The following GRID2 variants were observed in gnomAD, a reference collection of about 807,000 sequenced individuals.
The protein encoded by GRID2 is glutamate ionotropic receptor delta type subunit 2.
Under a neutral mutation model 114.8 loss-of-function variants are expected in GRID2, and 33 were observed. The ratio of observed to expected loss-of-function variants is 0.29; its 90% CI spans 0.22 to 0.38. GRID2 has a LOEUF of 0.38. Ranked by LOEUF, GRID2 falls within the 10% of genes least tolerant of loss-of-function variation. The pLI, the probability that GRID2 is intolerant of heterozygous loss-of-function variation, is 1.00. For synonymous variants in GRID2, 505 were observed against 449.9 expected (o/e 1.12, Z -1.55); for missense variants, 1,184 against 1,257.7 (o/e 0.94, Z 0.89).
chr4:92,510,930 C>A (rs747728403), intron 1 of GRID2, among the ~76,000 whole-genome samples: 1 of 149,356 alleles, frequency 6.7e-6, no homozygotes, highest in African/African-American at 2.5e-5. Context: ...AAACCAGGAG[C>A]GTGATGTCTT....
At chr4:93,777,886 C>T (rs1376015676), downstream of GRID2, among the ~76,000 whole-genome samples, 1 of 152,142 alleles carries the variant, frequency 6.6e-6, no homozygotes, top group Non-Finnish European at 1.5e-5. Context: ...TAAATTGCTG[C>T]TACTGAAAAA....
At chr4:93,666,260 T>C (rs1162231350) in intron 14 of GRID2, among the ~76,000 whole-genome samples, 1 of 152,106 alleles carries the variant, frequency 6.6e-6, no homozygotes, top group Admixed American at 6.6e-5. Context: ...TTGAGCACCT[T>C]ATATATTATA....
intron 8 of GRID2, among the ~76,000 whole-genome samples, chr4:93,382,050 C>T (rs1163626065): frequency 6.6e-6 from 1 of 152,014 alleles, no homozygotes; most frequent in Non-Finnish European, 1.5e-5. Flanking sequence ...TTTATTTTCT[C>T]TTAGCACTTT....
chr4:92,668,695 G>T (rs1732905252), intron 2 of GRID2, among the ~76,000 whole-genome samples: 1 of 151,780 alleles, frequency 6.6e-6, no homozygotes, highest in South Asian at 2.1e-4. Context: ...CCTTTAGCAT[G>T]ACTTACCCAT....
At position 92,421,638 on chromosome 4, in the gene GRID2, CA is replaced by C. The variant is rs201559154; in HGVS notation, c.88+116895del. Among the ~76,000 whole-genome samples, 222 of 152,234 alleles carry C rather than the reference CA, an allele frequency of 1.5e-3. 2 individuals are homozygous for C. The highest frequency in any genetic ancestry group is 0.013 in the Admixed American group (193 of 15,260). On this transcript the variant is annotated intron_variant, in intron 1 of 15. Coordinates refer to ENST00000282020, the MANE Select transcript of GRID2 (RefSeq NM_001510.4). ...CTAATAGATGAGAATAAGAATTAGA[CA>C]CAAAGCAGAAGAGAGTAAAAACAAG...
intron 1 of GRID2, among the ~76,000 whole-genome samples, chr4:92,414,187 G>T (rs1450216133): frequency 6.6e-6 from 1 of 152,076 alleles, no homozygotes; most frequent in South Asian, 2.1e-4. Flanking sequence ...ATAGCTAGTG[G>T]GAAGCTAACA....
At chr4:93,615,106 C>G (rs1427429635) in intron 13 of GRID2, among the ~76,000 whole-genome samples, 1 of 152,162 alleles carries the variant, frequency 6.6e-6, no homozygotes, top group Non-Finnish European at 1.5e-5. Flanking sequence ...TAAATATACT[C>G]TTAACAAGCA....
At chr4:92,312,049 G>A (rs551934659) in intron 1 of GRID2, among the ~76,000 whole-genome samples, 1 of 151,928 alleles carries the variant, frequency 6.6e-6, no homozygotes, top group African/African-American at 2.4e-5. Context: ...GAACCATGTG[G>A]ATATCTGATG....
At chr4:93,047,883 CAA>C (rs202164662) in intron 2 of GRID2, among the ~76,000 whole-genome samples, 4 of 147,592 alleles carry the variant, frequency 2.7e-5, no homozygotes, top group African/African-American at 1.0e-4. Flanking sequence ...AACAAACAAA[CAA>C]AAAAAACACT....
At chr4:92,839,267 A>G (rs1295897156) in intron 2 of GRID2, among the ~76,000 whole-genome samples, 3 of 151,092 alleles carry the variant, frequency 2.0e-5, no homozygotes, top group Non-Finnish European at 3.0e-5. Context: ...GTGTTGTAAG[A>G]GTTCTTTTTT....
At chr4:92,470,999 G>A (rs544928695) in intron 1 of GRID2, among the ~76,000 whole-genome samples, 1 of 151,920 alleles carries the variant, frequency 6.6e-6, no homozygotes, top group Non-Finnish European at 1.5e-5. Flanking sequence ...AGGTTGTGTA[G>A]TATATTGTAA....
At chr4:93,718,030 C>T (rs1239075973) in intron 14 of GRID2, among the ~76,000 whole-genome samples, 8 of 152,176 alleles carry the variant, frequency 5.3e-5, no homozygotes, top group Admixed American at 4.6e-4. Flanking sequence ...CCGAGGCAGG[C>T]GGATCACGAG....
rs33925215 is a variant in GRID2, at chr4:92,990,287, GTATATA to G, written c.245-94694_245-94689del. Among the ~76,000 whole-genome samples, 41 of 127,070 alleles carry G rather than the reference GTATATA, an allele frequency of 3.2e-4. 1 individual carries two copies. Among genetic ancestry groups the G allele is most frequent in the Admixed American group, 1.2e-3 (15 of 12,686 alleles). 83.4% of individuals were successfully genotyped at this position (127,070 alleles called of 152,430 possible). A position where few individuals can be genotyped will look rare whatever the true frequency, so the allele number is the denominator to read the frequency against. On this transcript the variant is annotated intron_variant, in intron 2 of 15. Coordinates refer to ENST00000282020, the MANE Select transcript of GRID2 (RefSeq NM_001510.4). ...TATATATGTACGTAGATATGTGTGT[GTATATA>G]TATATATATATATGTGTGTGTGTGT...
chr4:93,382,571 T>A (rs1425756009), intron 8 of GRID2, among the ~76,000 whole-genome samples: 3 of 152,014 alleles, frequency 2.0e-5, no homozygotes, highest in African/African-American at 4.8e-5. Flanking sequence ...ACAAAATTTC[T>A]TTCTACTTTT....
At chr4:92,578,537 G>A (rs942646457) in intron 1 of GRID2, among the ~76,000 whole-genome samples, 23 of 151,770 alleles carry the variant, frequency 1.5e-4, no homozygotes, top group African/African-American at 5.3e-4. Flanking sequence ...CTTTAATAAA[G>A]CAAAAGATAT....
chr4:92,724,345 T>G (rs1444211314), intron 2 of GRID2, among the ~76,000 whole-genome samples: 1 of 152,122 alleles, frequency 6.6e-6, no homozygotes, highest in Non-Finnish European at 1.5e-5. Flanking sequence ...GTTAGAAGCA[T>G]CACTGTTACA....
intron 1 of GRID2, among the ~76,000 whole-genome samples, chr4:92,356,149 T>A (rs1164689917): frequency 1.3e-5 from 2 of 151,548 alleles, no homozygotes; most frequent in Non-Finnish European, 3.0e-5. Flanking sequence ...TTTCATATTT[T>A]AAAAAAATGT....
chr4:92,900,720 G>T (rs1747506167), intron 2 of GRID2, among the ~76,000 whole-genome samples: 1 of 151,472 alleles, frequency 6.6e-6, no homozygotes, highest in Non-Finnish European at 1.5e-5. Flanking sequence ...TGTAGTCCCA[G>T]CTACGCCGGA....
chr4:93,743,589 G>GTGCA (rs913570920), intron 14 of GRID2, among the ~76,000 whole-genome samples: 4 of 152,192 alleles, frequency 2.6e-5, no homozygotes, highest in Admixed American at 2.6e-4. Flanking sequence ...GAGCTGCTGT[G>GTGCA]TGCAGAAATT....
Sources: gnomAD v4.1 joint callset for allele counts (sites outside exome capture counted in the v4.1 genomes callset) on GRCh38, gnomAD v4.1.1 for gene constraint, MANE v1.5 for transcripts, NCBI Gene and HGNC (gene_info 2026-07-23, HGNC 2026-07-21) for gene names.